SPAM1: variants seen among roughly 807,000 people sequenced by gnomAD.
SPAM1 encodes hyaluronidase PH-20.
SPAM1 carries 22 observed loss-of-function variants against 29.6 expected under a neutral mutation model. The observed-to-expected ratio is 0.74, with a 90% CI of 0.53 to 1.06. The LOEUF (loss-of-function observed/expected upper bound fraction) is 1.06. Among genes scored for constraint, SPAM1 ranks in the 50% least tolerant of loss-of-function variants. The pLI is 0.00. For synonymous variants in SPAM1, 194 were observed against 204.6 expected, an observed-to-expected ratio of 0.95 and a Z score of 0.44; for missense variants, 534 against 604.0, an observed-to-expected ratio of 0.88 and a Z score of 1.21.
intron 1 of SPAM1, among the ~76,000 whole-genome samples, chr7:123,927,781 G>A (rs2117012974): frequency 6.6e-6 from 1 of 152,252 alleles, no homozygotes; most frequent in South Asian, 2.1e-4. Flanking sequence ...GTCGAAATTG[G>A]TTTTACAGAC....
chr7:123,943,450 CATA>C (rs1808488679), intron 1 of SPAM1, among the ~76,000 whole-genome samples: 3 of 152,094 alleles, frequency 2.0e-5, no homozygotes, highest in Admixed American at 2.0e-4. Flanking sequence ...AACAATTTCA[CATA>C]ATAATCATAA....
At chr7:123,960,644 T>G (rs1303313621), downstream of SPAM1, among the ~76,000 whole-genome samples, 1 of 151,926 alleles carries the variant, frequency 6.6e-6, no homozygotes, top group Admixed American at 6.6e-5. Context: ...TAGTCTGACC[T>G]GTACAAATAT....
chr7:123,965,954 A>G (rs1189793121), intron 5 of SPAM1, among the ~76,000 whole-genome samples: 4 of 152,098 alleles, frequency 2.6e-5, no homozygotes, highest in Admixed American at 6.6e-5. Flanking sequence ...GCTTCTGAAC[A>G]GCAAAAGAAA....
chr7:123,940,590 A>G (rs1196754495), intron 1 of SPAM1, among the ~76,000 whole-genome samples: 4 of 151,832 alleles, frequency 2.6e-5, no homozygotes, highest in East Asian at 3.9e-4. Flanking sequence ...CTGGCTTAGA[A>G]TGATTCTCCA....
chr7:123,943,632 T>G (rs1479719915), intron 1 of SPAM1, among the ~76,000 whole-genome samples: 2 of 152,160 alleles, frequency 1.3e-5, no homozygotes, highest in East Asian at 3.8e-4. Flanking sequence ...ATAAACCAAA[T>G]ATCTCTTATA....
rs1792216751 is a variant in SPAM1, at chr7:123,955,000, G to A, written c.958G>A (p.Glu320Lys). 1 of 1,608,670 alleles carries A rather than the reference G, an allele frequency of 6.2e-7. No homozygotes were observed. Among genetic ancestry groups the A allele is most frequent in the Non-Finnish European group, 8.5e-7 (1 of 1,175,824 alleles). Residue 320 changes from glutamate (E) to lysine (K), a missense_variant, in exon 4 of 5, where the codon GAA becomes AAA. Coordinates refer to ENST00000682466, the MANE Select transcript of SPAM1 (RefSeq NM_153189.3). ...DQVLKFLSQD[E>K]LVYTFGETVA... ...CTCTTTCTGTCACATTTTCCAGGAT[G>A]AACTTGTGTATACATTTGGCGAAAC... is the stretch of plus-strand genomic sequence containing the variant.
At chr7:123,960,599 T>G (rs1792346039), downstream of SPAM1, among the ~76,000 whole-genome samples, 1 of 151,978 alleles carries the variant, frequency 6.6e-6, no homozygotes, top group African/African-American at 2.4e-5. Flanking sequence ...GACTCTCTTT[T>G]AAAGCGCAGA....
chr7:123,934,938 T>C (rs1808206991), intron 1 of SPAM1, among the ~76,000 whole-genome samples: 1 of 152,162 alleles, frequency 6.6e-6, no homozygotes, highest in Non-Finnish European at 1.5e-5. Context: ...TAACAATTTA[T>C]TGTGACTATA....
intron 3 of SPAM1, 51 bp downstream of exon 3, chr7:123,954,575 T>C (rs1397758270): frequency 8.2e-7 from 1 of 1,221,954 alleles, no homozygotes; most frequent in Admixed American, 2.6e-5. Flanking sequence ...CAAAAGATGT[T>C]GATTGAAATT....
At chr7:123,947,594 AC>A (rs1808622970) in intron 1 of SPAM1, 1 of 145,682 alleles carries the variant, frequency 6.9e-6, no homozygotes, top group Non-Finnish European at 1.5e-5. Context: ...ACACACACAC[AC>A]ACACACACAC....
At chr7:123,936,639 G>A (rs1486694740) in intron 1 of SPAM1, among the ~76,000 whole-genome samples, 5 of 152,162 alleles carry the variant, frequency 3.3e-5, no homozygotes, top group Admixed American at 1.3e-4. Flanking sequence ...TGCAGGCTTG[G>A]TTTATCTTAG....
chr7:123,956,662 A>C (rs1792253875), intron 4 of SPAM1, among the ~76,000 whole-genome samples: 1 of 152,030 alleles, frequency 6.6e-6, no homozygotes, highest in Non-Finnish European at 1.5e-5. Flanking sequence ...TATGTTAAAA[A>C]CAGGTGACAC....
intron 1 of SPAM1, chr7:123,947,905 C>T (rs767641904): frequency 6.6e-6 from 1 of 152,064 alleles, no homozygotes; most frequent in African/African-American, 2.4e-5. Flanking sequence ...TCTTCAGCCT[C>T]AAGAATCTCT....
intron 4 of SPAM1, among the ~76,000 whole-genome samples, chr7:123,955,626 C>T (rs1792231631): frequency 6.6e-6 from 1 of 151,976 alleles, no homozygotes; most frequent in Admixed American, 6.6e-5. Flanking sequence ...ATAGTCTATA[C>T]TCTAGTAGTC....
chr7:123,934,244 T>G (rs1201203159), intron 1 of SPAM1, among the ~76,000 whole-genome samples: 1 of 152,240 alleles, frequency 6.6e-6, no homozygotes, highest in African/African-American at 2.4e-5. Context: ...TAAAAAATGC[T>G]CAACATTGCT....
chr7:123,966,480 T>C (rs1406963864), intron 5 of SPAM1, among the ~76,000 whole-genome samples: 1 of 152,204 alleles, frequency 6.6e-6, no homozygotes, highest in African/African-American at 2.4e-5. Flanking sequence ...TGTACGTTCA[T>C]TGCAGCCTTA....
chr7:123,944,094 A>G (rs1223453954), intron 1 of SPAM1, among the ~76,000 whole-genome samples: 1 of 152,164 alleles, frequency 6.6e-6, no homozygotes, highest in East Asian at 1.9e-4. Flanking sequence ...GTTAATTTAT[A>G]GAGAAACTGA....
At position 123,954,070 on chromosome 7, in the gene SPAM1, G is replaced by C; in HGVS notation, c.500G>C (p.Arg167Thr). 1 of 1,613,362 alleles carries C rather than the reference G, an allele frequency of 6.2e-7. No homozygotes were observed. Among genetic ancestry groups the C allele is most frequent in the Non-Finnish European group, 8.5e-7 (1 of 1,179,706 alleles). Reference protein sequence around the residue: ...NWKPKDVYKNRSIELVQQQNV... With the variant: ...NWKPKDVYKNTSIELVQQQNV... The stretch of plus-strand genomic sequence containing the variant: ...AAACCTAAAGATGTTTACAAGAATA[G>C]GTCTATTGAATTGGTTCAGCAACAA... Residue 167 changes from arginine (R) to threonine (T), a missense_variant, in exon 3 of 5, where the codon AGG becomes ACG. By Grantham distance (71) the Arg-to-Thr change is moderately conservative. Transcript: ENST00000682466.
At position 123,959,486 on chromosome 7, in the gene SPAM1, A is replaced by C; in HGVS notation, c.1047A>C (p.Lys349Asn). 6.3e-7 allele frequency: 1 copy of C among 1,575,824 alleles called. No individual in the cohort carries two copies. Among genetic ancestry groups the C allele is most frequent in the South Asian group, 1.2e-5 (1 of 85,616 alleles). ...WGTLSIMRSM[K>N]SCLLLDNYME... ...ACTGTCTTATAATAATTTTACAGAAATCTTGCTTGCTCCTAGACAATTACA... is the reference window on the plus strand; with the variant it reads ...ACTGTCTTATAATAATTTTACAGAACTCTTGCTTGCTCCTAGACAATTACA... The change falls in exon 5 of 5, where the codon AAA becomes AAC. Residue 349 changes from lysine (K) to asparagine (N), a missense_variant and splice_region_variant. Physicochemically the swap from Lys to Asn is moderately conservative, Grantham distance 94. Transcript: ENST00000682466.
Sources: allele counts gnomAD v4.1 joint callset (sites outside exome capture counted in the v4.1 genomes callset), GRCh38; gene constraint gnomAD v4.1.1; transcripts MANE v1.5; gene names NCBI Gene and HGNC (gene_info 2026-07-23, HGNC 2026-07-21).